TMEM132B: variants seen among roughly 807,000 people sequenced by gnomAD.
TMEM132B encodes transmembrane protein 132B.
In TMEM132B, 18 loss-of-function variants were observed where a neutral mutation model predicts 90.8. The observed-to-expected ratio is 0.20, with a 90% CI of 0.14 to 0.29. TMEM132B has a LOEUF of 0.29. Among genes scored for constraint, TMEM132B ranks in the 10% least tolerant of loss-of-function variants. The pLI is 1.00. For missense variants in TMEM132B, 1,096 were observed against 1,326.8 expected (o/e 0.83, Z 2.70); for synonymous variants, 504 against 523.3 (o/e 0.96, Z 0.50).
intron 3 of TMEM132B, among the ~76,000 whole-genome samples, chr12:125,429,620 G>A (rs766181757): frequency 1.3e-5 from 2 of 152,180 alleles, no homozygotes; most frequent in Non-Finnish European, 2.9e-5. Flanking sequence ...GACCTTGACA[G>A]ACGGTCTTGA....
intron 1 of TMEM132B, among the ~76,000 whole-genome samples, chr12:125,347,015 G>C (rs911121377): frequency 5.9e-5 from 9 of 152,158 alleles, no homozygotes; most frequent in Non-Finnish European, 1.0e-4. Context: ...AATCATGCTT[G>C]CGATAAACAT....
At chr12:125,300,380 C>T (rs138751088) in intron 1 of TMEM132B, among the ~76,000 whole-genome samples, 30 of 152,258 alleles carry the variant, frequency 2.0e-4, no homozygotes, top group African/African-American at 7.0e-4. Context: ...CCACCTGACA[C>T]CCTGACAGAG....
At chr12:125,335,152 G>T (rs1442593064) in intron 1 of TMEM132B, among the ~76,000 whole-genome samples, 2 of 152,200 alleles carry the variant, frequency 1.3e-5, no homozygotes, top group Non-Finnish European at 2.9e-5. Context: ...CAGGGTAATT[G>T]CTCAAATGTC....
intron 5 of TMEM132B, among the ~76,000 whole-genome samples, chr12:125,607,181 G>A (rs1414724326): frequency 1.3e-5 from 2 of 152,108 alleles, no homozygotes; most frequent in Non-Finnish European, 2.9e-5. Context: ...AAAGTGTAGA[G>A]ACAAACATTT....
intron 1 of TMEM132B, among the ~76,000 whole-genome samples, chr12:125,222,392 GAA>G (rs1873579184): frequency 1.3e-5 from 2 of 152,174 alleles, no homozygotes; most frequent in African/African-American, 4.8e-5. Flanking sequence ...GTCAGCACCA[GAA>G]ATGTATGCCA....
At chr12:125,433,886 A>G (rs1030165654) in intron 3 of TMEM132B, among the ~76,000 whole-genome samples, 4 of 151,868 alleles carry the variant, frequency 2.6e-5, no homozygotes, top group Non-Finnish European at 5.9e-5. Context: ...TTCCTTTCGT[A>G]TGTGTTATTT....
chr12:125,266,875 A>G (rs1033744297), intron 1 of TMEM132B, among the ~76,000 whole-genome samples: 1 of 152,184 alleles, frequency 6.6e-6, no homozygotes, highest in Admixed American at 6.6e-5. Context: ...TTGAAAGCGA[A>G]TGTGTCCCAT....
At chr12:125,497,667 G>A (rs1882595636) in intron 3 of TMEM132B, among the ~76,000 whole-genome samples, 1 of 152,108 alleles carries the variant, frequency 6.6e-6, no homozygotes, top group African/African-American at 2.4e-5. Flanking sequence ...TTCTGAACCA[G>A]GGGTTTCTTC....
chr12:125,205,762 T>C (rs1357720493), intron 1 of TMEM132B, among the ~76,000 whole-genome samples: 1 of 152,230 alleles, frequency 6.6e-6, no homozygotes, highest in Non-Finnish European at 1.5e-5. Flanking sequence ...TGGCCTTTTA[T>C]GACCCAGCCT....
At chr12:125,516,128 A>C (rs750199579) in intron 3 of TMEM132B, among the ~76,000 whole-genome samples, 1 of 147,726 alleles carries the variant, frequency 6.8e-6, no homozygotes, top group Non-Finnish European at 1.5e-5. Context: ...CACTATCGCA[A>C]TCTCACACAC....
chr12:125,479,397 A>ATCCCTTT (rs1297499961), intron 3 of TMEM132B, among the ~76,000 whole-genome samples: 7 of 152,356 alleles, frequency 4.6e-5, no homozygotes, highest in African/African-American at 1.7e-4. Context: ...CATAGGCTCA[A>ATCCCTTT]AATAAAGGGA....
intron 3 of TMEM132B, among the ~76,000 whole-genome samples, chr12:125,466,713 G>T (rs1254394262): frequency 1.3e-5 from 2 of 152,224 alleles, no homozygotes; most frequent in Admixed American, 6.5e-5. Context: ...CACTTGGAAT[G>T]GCAGATGGTC....
chr12:125,295,515 T>TGTGTGTGAGAGAGAGAGAGA (rs531489519), intron 1 of TMEM132B, among the ~76,000 whole-genome samples: 2 of 142,334 alleles, frequency 1.4e-5, no homozygotes, highest in African/African-American at 5.4e-5. Context: ...TGTGTGTGTG[T>TGTGTGTGAGAGAGAGAGAGA]GAGAGAGAGA....
intron 3 of TMEM132B, among the ~76,000 whole-genome samples, chr12:125,496,870 C>T (rs966018471): frequency 2.0e-5 from 3 of 152,210 alleles, no homozygotes; most frequent in Non-Finnish European, 2.9e-5. Context: ...TGAACGGTAT[C>T]ATTGATTAGG....
intron 4 of TMEM132B, among the ~76,000 whole-genome samples, chr12:125,526,539 C>T (rs1031933516): frequency 1.3e-5 from 2 of 152,226 alleles, no homozygotes; most frequent in Non-Finnish European, 2.9e-5. Flanking sequence ...GAATTGCCCA[C>T]GCAGTGCCCC....
chr12:125,449,352 C>T (rs1400179489), intron 3 of TMEM132B, among the ~76,000 whole-genome samples: 4 of 152,274 alleles, frequency 2.6e-5, no homozygotes, highest in African/African-American at 9.6e-5. Flanking sequence ...AAGGAATTTG[C>T]TGAATTAATT....
intron 2 of TMEM132B, among the ~76,000 whole-genome samples, chr12:125,375,565 C>T (rs1878450782): frequency 6.6e-6 from 1 of 152,198 alleles, no homozygotes; most frequent in African/African-American, 2.4e-5. Context: ...GTGATGTCAG[C>T]TACGTTACGT....
intron 3 of TMEM132B, among the ~76,000 whole-genome samples, chr12:125,417,995 G>C (rs543102188): frequency 1.3e-5 from 2 of 152,196 alleles, no homozygotes; most frequent in Non-Finnish European, 2.9e-5. Flanking sequence ...GGGGACAGGA[G>C]ATGGAGTGGG....
At chr12:125,617,767 T>A (rs1033865063) in intron 5 of TMEM132B, among the ~76,000 whole-genome samples, 6 of 152,166 alleles carry the variant, frequency 3.9e-5, no homozygotes, top group African/African-American at 1.4e-4. Flanking sequence ...CCCCGGGGCA[T>A]AAGTTGTTCC....
Sources: gnomAD v4.1 joint callset for allele counts (sites outside exome capture counted in the v4.1 genomes callset) on GRCh38, gnomAD v4.1.1 for gene constraint, MANE v1.5 for transcripts, NCBI Gene and HGNC (gene_info 2026-07-23, HGNC 2026-07-21) for gene names.